SCUBE1: variants seen among roughly 807,000 people sequenced by gnomAD.
SCUBE1 encodes the protein signal peptide, CUB domain and EGF like domain containing 1, also known as signal peptide, CUB and EGF-like domain-containing protein 1.
A neutral mutation model predicts 124.4 loss-of-function variants in SCUBE1; 59 were observed. The ratio of observed to expected loss-of-function variants is 0.47; its 90% CI spans 0.38 to 0.59. The LOEUF (loss-of-function observed/expected upper bound fraction) is 0.59. Ranked by LOEUF, SCUBE1 falls within the 20% of genes least tolerant of loss-of-function variation. SCUBE1 has a pLI of 0.00. For missense variants in SCUBE1, 1,150 were observed against 1,371.2 expected (o/e 0.84, Z 2.55); for synonymous variants, 545 against 550.9 (o/e 0.99, Z 0.15).
rs183326697 is a variant in SCUBE1, at chr22:43,277,950, C to T, written c.484+13096G>A. The stretch of plus-strand genomic sequence containing the variant: ...GTTGCAGCTCTCCCTGCCCTGCACC[C>T]ACAACTCTGGGAGATTTGAAAGTTC... On this transcript the variant is annotated intron_variant, in intron 4 of 21. Transcript: ENST00000360835. 2.6e-3 allele frequency among the ~76,000 whole-genome samples: 399 copies of T among 152,384 alleles called. 1 individual carries two copies. The highest frequency in any genetic ancestry group is 4.3e-3 in the Non-Finnish European group (292 of 68,032).
intron 3 of SCUBE1, among the ~76,000 whole-genome samples, chr22:43,307,718 G>A (rs952481227): frequency 3.9e-5 from 6 of 152,162 alleles, no homozygotes; most frequent in African/African-American, 9.7e-5. Flanking sequence ...CAGCCACAGC[G>A]TGAGGCCCCT....
intron 2 of SCUBE1, among the ~76,000 whole-genome samples, chr22:43,332,658 G>A (rs932679355): frequency 2.6e-5 from 4 of 152,168 alleles, no homozygotes; most frequent in African/African-American, 4.8e-5. Context: ...TTCTGCCATC[G>A]GTCCACACCA....
chr22:43,323,825 C>T (rs949298246), intron 2 of SCUBE1, among the ~76,000 whole-genome samples: 3 of 152,104 alleles, frequency 2.0e-5, no homozygotes, highest in African/African-American at 4.8e-5. Flanking sequence ...ATACATACAA[C>T]AATTTTTTCT....
At chr22:43,220,762 T>C (rs762400203) in intron 13 of SCUBE1, among the ~76,000 whole-genome samples, 175 bp from the exon 14 acceptor site, 3 of 152,174 alleles carry the variant, frequency 2.0e-5, no homozygotes, top group Non-Finnish European at 2.9e-5. Flanking sequence ...GGCTGGTGGC[T>C]GAGCCAGGTC....
chr22:43,222,574 G>T, intron 12 of SCUBE1, 64 bp downstream of exon 12: 1 of 1,268,024 alleles, frequency 7.9e-7, no homozygotes. Context: ...TCCCCCGCCA[G>T]CATGTTGCTG....
At chr22:43,260,078 C>T (rs897788112) in intron 5 of SCUBE1, among the ~76,000 whole-genome samples, 7 of 152,172 alleles carry the variant, frequency 4.6e-5, no homozygotes, top group Admixed American at 6.5e-5. Flanking sequence ...GGCTGGACGT[C>T]GTGTGTCTTT....
Position 43,214,161 on chromosome 22 carries a change from A to G in SCUBE1, c.1982T>C (p.Leu661Pro), listed in dbSNP as rs1376756204. 3 of 1,611,650 alleles carry G rather than the reference A, an allele frequency of 1.9e-6. No individual in the cohort carries two copies. The Admixed American group carries it at 5.0e-5, about 27-fold the overall frequency. ...PGTYQDMEGQ[L>P]SCTPCPSSDG... ...GCTGCTGGGGCACGGTGTGCAACTG[A>G]GCTGGCCTTCCATGTCCTGGTATGT... Residue 661 changes from leucine (L) to proline (P), a missense_variant, in exon 16 of 22, where the codon CTC (leucine) becomes CCC (proline). Leu to Pro is a moderately conservative substitution (Grantham distance 98). Coordinates refer to ENST00000360835, the MANE Select transcript of SCUBE1 (RefSeq NM_173050.5).
rs562227764 is a variant in SCUBE1 at position 43,275,076 on chromosome 22, C to T, written c.485-12231G>A. ...GTGCCCTGGGGGCACAGGAGTCAGG[C>T]GCTCTGTGATGTGGAGGCGAGGCTG... On this transcript the variant is annotated intron_variant, in intron 4 of 21. Transcript: ENST00000360835. Among the ~76,000 whole-genome samples the T allele has an allele frequency of 2.6e-3, 402 of 152,296 alleles. 4 individuals carry two copies. Among genetic ancestry groups the T allele is most frequent in the African/African-American group, 9.4e-3 (390 of 41,572 alleles).
intron 4 of SCUBE1, among the ~76,000 whole-genome samples, chr22:43,290,541 C>A (rs1311824196): frequency 6.6e-6 from 1 of 152,262 alleles, no homozygotes. Flanking sequence ...TCTGCACCTC[C>A]CCAGGCTGGC....
intron 21 of SCUBE1, among the ~76,000 whole-genome samples, chr22:43,205,471 C>T (rs1483987505): frequency 6.6e-6 from 1 of 151,946 alleles, no homozygotes; most frequent in Admixed American, 6.5e-5. Context: ...GCGACCACCA[C>T]CTGCTGGCGC....
At chr22:43,292,919 T>C (rs941356309) in intron 3 of SCUBE1, among the ~76,000 whole-genome samples, 6 of 152,182 alleles carry the variant, frequency 3.9e-5, no homozygotes, top group African/African-American at 1.2e-4. Context: ...GCTAAAATGG[T>C]AGAAGTGGCC....
intron 14 of SCUBE1, among the ~76,000 whole-genome samples, chr22:43,220,038 G>A (rs1922022911): frequency 6.6e-6 from 1 of 152,162 alleles, no homozygotes; most frequent in Non-Finnish European, 1.5e-5. Flanking sequence ...CTCACATATA[G>A]CCAAGAGCAA....
In SCUBE1 at chr22:43,207,811, AC is replaced by A. The variant is rs937121136; in HGVS notation, c.2735-199del. Among the ~76,000 whole-genome samples, 8 of 151,448 alleles carry A rather than the reference AC, an allele frequency of 5.3e-5. No homozygotes were observed. In the East Asian group the frequency reaches 7.8e-4, roughly 15 times the overall value. Reference sequence around the variant, plus strand: ...TGTCCTCCTCGGGGTTTCACTAAGAACCCCCTATTTAGCCCTCAAAACCCTG... The same window carrying A: ...TGTCCTCCTCGGGGTTTCACTAAGAACCCCTATTTAGCCCTCAAAACCCTG... On this transcript the variant is annotated intron_variant, in intron 20 of 21. Coordinates refer to ENST00000360835, the MANE Select transcript of SCUBE1 (RefSeq NM_173050.5).
rs567208972 is a variant in SCUBE1, at chr22:43,319,182, T to G, written c.349+755A>C. On this transcript the variant is annotated intron_variant, in intron 3 of 21. Coordinates refer to ENST00000360835, the MANE Select transcript of SCUBE1 (RefSeq NM_173050.5). Reference sequence around the variant, plus strand: ...GTGACTGTATTTGGAGACAGGGCCTTTAGAGAGATAATTAACTTAAAAATG... The same window carrying G: ...GTGACTGTATTTGGAGACAGGGCCTGTAGAGAGATAATTAACTTAAAAATG... Among the ~76,000 whole-genome samples, 6 of 152,206 alleles carry G rather than the reference T, an allele frequency of 3.9e-5. No individual in the cohort carries two copies. In the South Asian group the frequency reaches 1.2e-3, roughly 32 times the overall value.
At chr22:43,280,860 CCT>C (rs1290918948) in intron 4 of SCUBE1, among the ~76,000 whole-genome samples, 1 of 42,902 alleles carries the variant, frequency 2.3e-5, no homozygotes, top group Non-Finnish European at 4.7e-5. Flanking sequence ...CCTGTCACCT[CCT>C]CCTCAGTCAC....
intron 4 of SCUBE1, among the ~76,000 whole-genome samples, chr22:43,279,654 G>A (rs1245724661): frequency 6.6e-6 from 1 of 151,988 alleles, no homozygotes; most frequent in Non-Finnish European, 1.5e-5. Context: ...AATCTTTTTT[G>A]CTGACTGATG....
intron 10 of SCUBE1, among the ~76,000 whole-genome samples, chr22:43,225,395 C>T (rs143582075): frequency 3.1e-4 from 47 of 152,032 alleles, no homozygotes; most frequent in Middle Eastern, 3.4e-3. Flanking sequence ...GTTATTGTCC[C>T]GGATGATCAG....
In SCUBE1 at chr22:43,343,288, C is replaced by T. The variant is rs1230168676; in HGVS notation, c.-27G>A. On this transcript the variant is annotated 5_prime_UTR_variant, in exon 1 of 22. Coordinates refer to ENST00000360835, the MANE Select transcript of SCUBE1 (RefSeq NM_173050.5). The stretch of plus-strand genomic sequence containing the variant: ...CTCAATGCGGGCCCCGCTGGGCGTG[C>T]GGGCGTGCGGGGCGCGGGGACCCGA... 2 of 1,072,298 alleles carry T rather than the reference C, an allele frequency of 1.9e-6. No individual in the cohort carries two copies. The highest frequency in any genetic ancestry group is 1.7e-5 in the African/African-American group (1 of 58,942). 66.4% of individuals were successfully genotyped at this position (1,072,298 alleles called of 1,614,324 possible). A position where few individuals can be genotyped will look rare whatever the true frequency, so the allele number is the denominator to read the frequency against.
intron 5 of SCUBE1, among the ~76,000 whole-genome samples, chr22:43,261,832 G>A (rs61209054): frequency 0.018 from 2,731 of 152,282 alleles, 91 homozygotes; most frequent in African/African-American, 0.063. Context: ...TGTAAAAAGG[G>A]CAAATATGAC....
Sources: allele counts gnomAD v4.1 joint callset (sites outside exome capture counted in the v4.1 genomes callset), GRCh38; gene constraint gnomAD v4.1.1; transcripts MANE v1.5; gene names NCBI Gene and HGNC (gene_info 2026-07-23, HGNC 2026-07-21).